MRC2: variants seen among roughly 807,000 people sequenced by gnomAD.
The protein encoded by MRC2 is mannose receptor C-type 2.
A neutral mutation model predicts 206.2 loss-of-function variants in MRC2; 84 were observed. That is an observed-to-expected ratio of 0.41 (90% CI 0.34 to 0.49). The LOEUF is 0.49. Ranked by LOEUF, MRC2 falls within the 20% of genes least tolerant of loss-of-function variation. The probability of loss-of-function intolerance (pLI) is 0.31; values close to 1 mark genes in which losing one functional copy is unlikely to be tolerated. For synonymous variants in MRC2, 798 were observed against 800.0 expected, an observed-to-expected ratio of 1.00 and a Z score of 0.04; for missense variants, 1,676 against 2,001.5, an observed-to-expected ratio of 0.84 and a Z score of 3.10.
intron 1 of MRC2, among the ~76,000 whole-genome samples, chr17:62,646,592 C>T (rs1330361536): frequency 6.6e-6 from 1 of 152,230 alleles, no homozygotes; most frequent in African/African-American, 2.4e-5. Context: ...AACTTCATGC[C>T]TCTGAAGGCA....
At chr17:62,636,210 C>T (rs899687685) in intron 1 of MRC2, among the ~76,000 whole-genome samples, 6 of 150,578 alleles carry the variant, frequency 4.0e-5, no homozygotes, top group African/African-American at 1.5e-4. Flanking sequence ...GCTATGATTG[C>T]ACCACTGCAC....
At chr17:62,659,989 G>C (rs1180950522) in intron 1 of MRC2, among the ~76,000 whole-genome samples, 1 of 152,176 alleles carries the variant, frequency 6.6e-6, no homozygotes, top group East Asian at 1.9e-4. Context: ...TACAGTGGTG[G>C]AGAAGACAGA....
chr17:62,690,791 T>TC (rs2089099364), intron 27 of MRC2, 30 bp downstream of exon 27: 3 of 1,571,736 alleles, frequency 1.9e-6, no homozygotes, highest in Middle Eastern at 1.7e-4. Context: ...GGTGGAGAGG[T>TC]CAAGCCTCAG....
At position 62,675,925 on chromosome 17, in the gene MRC2, C is replaced by T. The variant is rs761620069; in HGVS notation, c.1685+20C>T. Reference sequence around the variant, plus strand: ...CAACAGGTACAGCAGGGGCGGGTGCCCTGACTAGCCCTTGCCCATGTCTGG... The same window carrying T: ...CAACAGGTACAGCAGGGGCGGGTGCTCTGACTAGCCCTTGCCCATGTCTGG... On this transcript the variant is annotated intron_variant, in intron 10 of 29. Coordinates refer to ENST00000303375, the MANE Select transcript of MRC2 (RefSeq NM_006039.5). This position sits in a 1 kb window ranked among gnomAD's most constrained non-coding sequence, Gnocchi z 4.1. 1 of 1,597,420 alleles carries T rather than the reference C, an allele frequency of 6.3e-7. No individual in the cohort carries two copies. The highest frequency in any genetic ancestry group is 8.6e-7 in the Non-Finnish European group (1 of 1,165,180).
intron 1 of MRC2, among the ~76,000 whole-genome samples, chr17:62,653,298 G>A (rs996453809): frequency 6.6e-6 from 1 of 152,146 alleles, no homozygotes; most frequent in Non-Finnish European, 1.5e-5. Flanking sequence ...AGGCCAGCGC[G>A]GGTGAGGATT....
At chr17:62,654,449 G>A (rs2088594081) in intron 1 of MRC2, among the ~76,000 whole-genome samples, 1 of 151,902 alleles carries the variant, frequency 6.6e-6, no homozygotes, top group Non-Finnish European at 1.5e-5. Context: ...TTGAGAGTCC[G>A]CTGCATGCCA....
Position 62,667,616 on chromosome 17 carries a change from C to T in MRC2, c.1117+83C>T, listed in dbSNP as rs1401327785. On this transcript the variant is annotated intron_variant, in intron 6 of 29. Coordinates refer to ENST00000303375, the MANE Select transcript of MRC2 (RefSeq NM_006039.5). This position sits in a 1 kb window ranked among gnomAD's most constrained non-coding sequence, Gnocchi z 4.1. ...CACAGAGCCGTGGCAGGCCCAGCCT[C>T]TCCTCCGGTTACCACCACAGCACAA... 3.6e-5 allele frequency: 52 copies of T among 1,462,370 alleles called. No homozygotes were observed. Among genetic ancestry groups the T allele is most frequent in the Non-Finnish European group, 4.6e-5 (51 of 1,100,942 alleles). 90.6% of individuals were successfully genotyped at this position (1,462,370 alleles called of 1,614,324 possible). A position where few individuals can be genotyped will look rare whatever the true frequency, so the allele number is the denominator to read the frequency against.
chr17:62,680,831 C>T lies in MRC2; in HGVS notation c.2505C>T (p.Ala835=). The T allele has an allele frequency of 1.2e-6, 2 of 1,612,574 alleles. No homozygotes were observed. The highest frequency in any genetic ancestry group is 2.2e-5 in the East Asian group (1 of 44,864). ...GGGAATGGCTGCGCTTCCAGGAGGC[C>T]GAGTACAAGTTCTTTGAGCACCACT... ...GRREWLRFQE[A]EYKFFEHHST... Residue 835 remains alanine (A), a synonymous_variant, in exon 17 of 30, where the codon GCC becomes GCT. Coordinates refer to ENST00000303375, the MANE Select transcript of MRC2 (RefSeq NM_006039.5). This position sits in a 1 kb window ranked among gnomAD's most constrained non-coding sequence, Gnocchi z 4.8.
intron 1 of MRC2, among the ~76,000 whole-genome samples, chr17:62,660,283 C>CT (rs1239316930): frequency 6.6e-6 from 1 of 152,094 alleles, no homozygotes; most frequent in Non-Finnish European, 1.5e-5. Context: ...CCGGTTAGAG[C>CT]TTGGGGCCAC....
chr17:62,644,309 C>T (rs183795755), intron 1 of MRC2, among the ~76,000 whole-genome samples: 32 of 152,178 alleles, frequency 2.1e-4, no homozygotes, highest in Non-Finnish European at 4.1e-4. Flanking sequence ...ATCTCAGCTA[C>T]TCGAGAGGCT....
chr17:62,681,271 G>A (rs990147009), intron 18 of MRC2, 142 bp downstream of exon 18: 46 of 974,478 alleles, frequency 4.7e-5, no homozygotes, highest in Non-Finnish European at 6.6e-5. Context: ...ACCTTTCTGG[G>A]CCTTGGTTTT....
intron 13 of MRC2, 69 bp from the exon 14 acceptor site, chr17:62,679,731 G>A: frequency 6.8e-7 from 1 of 1,475,474 alleles, no homozygotes; most frequent in Non-Finnish European, 9.3e-7. Context: ...AAGGGACAGG[G>A]GGCACGTTTG....
Position 62,675,943 on chromosome 17 carries a change from A to G in MRC2, c.1685+38A>G. The stretch of plus-strand genomic sequence containing the variant: ...CGGGTGCCCTGACTAGCCCTTGCCC[A>G]TGTCTGGGCCTATTGTGGTCCCTTC... On this transcript the variant is annotated intron_variant, in intron 10 of 29. Coordinates refer to ENST00000303375, the MANE Select transcript of MRC2 (RefSeq NM_006039.5). The surrounding 1 kb of genome is among the most constrained non-coding windows in gnomAD (Gnocchi z 4.1). The G allele has an allele frequency of 6.4e-7, 1 of 1,553,360 alleles. No homozygotes were observed. The highest frequency in any genetic ancestry group is 8.9e-7 in the Non-Finnish European group (1 of 1,125,618).
Position 62,690,435 on chromosome 17 carries a change from C to T in MRC2, c.3892+130C>T, listed in dbSNP as rs74349779. The T allele has an allele frequency of 8.4e-3, 11,536 of 1,375,766 alleles. 841 individuals carry two copies. The African/African-American group carries it at 0.15, about 18-fold the overall frequency. 85.2% of individuals were successfully genotyped at this position (1,375,766 alleles called of 1,614,324 possible). The stretch of plus-strand genomic sequence containing the variant: ...AGCACTTACACAAGATGCCCTCGTG[C>T]TCTCACATGTGGAGACCATACATGA... On this transcript the variant is annotated intron_variant, in intron 26 of 29. Coordinates refer to ENST00000303375, the MANE Select transcript of MRC2 (RefSeq NM_006039.5).
Position 62,671,725 on chromosome 17 carries a change from C to T in MRC2, c.1194C>T (p.Ala398=), listed in dbSNP as rs141657044. The change falls in exon 7 of 30, where the codon GCC becomes GCT. Residue 398 remains alanine, a synonymous_variant. Coordinates refer to ENST00000303375, the MANE Select transcript of MRC2 (RefSeq NM_006039.5). This position sits in a 1 kb window ranked among gnomAD's most constrained non-coding sequence, Gnocchi z 4.5. ...AGGGCCACTGCTACCGCCTGCAGGC[C>T]GAGAAGCGCAGCTGGCAGGAGTCCA... ...PFQGHCYRLQ[A]EKRSWQESKK... is the part of the protein sequence containing the mutation. 1.7e-4 allele frequency: 267 copies of T among 1,612,896 alleles called. 5 individuals are homozygous for T. The East Asian group carries it at 2.8e-3, about 17-fold the overall frequency.
In MRC2 at chr17:62,680,079, C is replaced by A; in HGVS notation, c.2299-91C>A. On this transcript the variant is annotated intron_variant, in intron 14 of 29. Coordinates refer to ENST00000303375, the MANE Select transcript of MRC2 (RefSeq NM_006039.5). This position sits in a 1 kb window ranked among gnomAD's most constrained non-coding sequence, Gnocchi z 4.8. ...CGGCCCCCGGTGAGAATTCGCAGCT[C>A]AGGCCAGGCCTCTTGTTCACCTGTT... 1.3e-6 allele frequency: 2 copies of A among 1,574,550 alleles called. No homozygotes were observed. Among genetic ancestry groups the A allele is most frequent in the East Asian group, 2.2e-5 (1 of 44,468 alleles).
Position 62,652,596 on chromosome 17 carries a change from C to T in MRC2, c.119-11952C>T, listed in dbSNP as rs1402341525. On this transcript the variant is annotated intron_variant, in intron 1 of 29. Coordinates refer to ENST00000303375, the MANE Select transcript of MRC2 (RefSeq NM_006039.5). The surrounding 1 kb of genome is among the most constrained non-coding windows in gnomAD (Gnocchi z 4.6). ...GTGGCTCTTGGGCTGTTTATTTTGG[C>T]TGCGGGCTAGCAGACGGCGCCAGGG... Among the ~76,000 whole-genome samples, 1 of 152,200 alleles carries T rather than the reference C, an allele frequency of 6.6e-6. No homozygotes were observed. The highest frequency in any genetic ancestry group is 2.1e-4 in the South Asian group (1 of 4,834).
At chr17:62,682,125 C>G in intron 19 of MRC2, 110 bp from the exon 20 acceptor site, 1 of 1,254,374 alleles carries the variant, frequency 8.0e-7, no homozygotes, top group Non-Finnish European at 1.1e-6. Flanking sequence ...GGACACAGGC[C>G]CTGAGCCTCT....
chr17:62,666,324 CTGAGGG>C lies in MRC2; in HGVS notation c.694+58_694+63del. 6.4e-7 allele frequency: 1 copy of C among 1,555,416 alleles called. No individual in the cohort carries two copies. Among genetic ancestry groups the C allele is most frequent in the South Asian group, 1.2e-5 (1 of 81,244 alleles). ...CAGTGTTCCTGGAGGGAGGCTGGTG[CTGAGGG>C]GCCCCGGGGCCCAGGGTGAGATACT... On this transcript the variant is annotated intron_variant, in intron 3 of 29. Coordinates refer to ENST00000303375, the MANE Select transcript of MRC2 (RefSeq NM_006039.5). The surrounding 1 kb of genome is among the most constrained non-coding windows in gnomAD (Gnocchi z 5.0).
Sources: gnomAD v4.1 joint callset for allele counts (sites outside exome capture counted in the v4.1 genomes callset) on GRCh38, gnomAD v4.1.1 for gene constraint, Gnocchi (gnomAD v3.1) non-coding constraint, MANE v1.5 for transcripts, NCBI Gene and HGNC (gene_info 2026-07-23, HGNC 2026-07-21) for gene names.